TAF4B: variants seen among roughly 807,000 people sequenced by gnomAD.
TAF4B encodes the protein transcription initiation factor TFIID subunit 4B.
In TAF4B, 38 loss-of-function variants were observed where a neutral mutation model predicts 86.4. The ratio of observed to expected loss-of-function variants is 0.44; its 90% CI spans 0.34 to 0.58. The LOEUF is 0.58. TAF4B is among the 20% of genes least tolerant of loss of function. The probability of loss-of-function intolerance (pLI) is 0.02; values close to 1 mark genes in which losing one functional copy is unlikely to be tolerated. For missense variants in TAF4B, 988 were observed against 1,027.6 expected (o/e 0.96, Z 0.53); for synonymous variants, 388 against 391.2 (o/e 0.99, Z 0.10).
At chr18:26,256,527 A>G (rs1435828241) in intron 1 of TAF4B, among the ~76,000 whole-genome samples, 1 of 151,202 alleles carries the variant, frequency 6.6e-6, no homozygotes, top group African/African-American at 2.4e-5. Flanking sequence ...CTTAATCTTT[A>G]TTATTTCTTT....
intron 3 of TAF4B, among the ~76,000 whole-genome samples, chr18:26,270,225 ACTT>A (rs1462138915): frequency 1.3e-5 from 2 of 152,100 alleles, no homozygotes; most frequent in Admixed American, 6.6e-5. Context: ...CCATTACACT[ACTT>A]CTTCAGGGCC....
Position 26,301,934 on chromosome 18 carries a change from G to GA in TAF4B, c.1832+8411dup, listed in dbSNP as rs1190062811. On this transcript the variant is annotated intron_variant, in intron 9 of 14. Transcript: ENST00000269142. ...GTCAAGAATCAGCATGTGCCCAGAG[G>GA]AAAAAAAACATGGAGAAATTTGGGG... Among the ~76,000 whole-genome samples, 13 of 151,950 alleles carry GA rather than the reference G, an allele frequency of 8.6e-5. No individual in the cohort carries two copies. The East Asian group carries it at 1.2e-3, about 14-fold the overall frequency.
intron 14 of TAF4B, among the ~76,000 whole-genome samples, chr18:26,363,398 A>G (rs1232286003): frequency 1.3e-4 from 14 of 108,544 alleles, no homozygotes; most frequent in Non-Finnish European, 2.6e-4. Context: ...AAAAAAAAAA[A>G]GGCAGCGCGT....
rs796930380 is a variant in TAF4B, at chr18:26,281,831, G to T, written c.883-140G>T. 1.0e-4 allele frequency: 60 copies of T among 590,892 alleles called. 1 individual carries two copies. The highest frequency in any genetic ancestry group is 1.0e-3 in the African/African-American group (54 of 53,632). The allele number at this position is 590,892 out of a possible 1,614,324, so 36.6% of individuals were successfully genotyped here. ...ATTTATGCTTACACATTTCATAGGTGGCATGAAGAAAAAAGCCTATATTTA... is the reference window on the plus strand; with the variant it reads ...ATTTATGCTTACACATTTCATAGGTTGCATGAAGAAAAAAGCCTATATTTA... On this transcript the variant is annotated intron_variant, in intron 5 of 14. Coordinates refer to ENST00000269142, the MANE Select transcript of TAF4B (RefSeq NM_005640.3).
At chr18:26,385,768 C>T (rs554298904) in intron 14 of TAF4B, among the ~76,000 whole-genome samples, 1 of 147,122 alleles carries the variant, frequency 6.8e-6, no homozygotes, top group Non-Finnish European at 1.5e-5. Context: ...TCTAATGTGA[C>T]CAGAAATCAG....
At chr18:26,319,240 C>G (rs2056939218) in intron 10 of TAF4B, among the ~76,000 whole-genome samples, 1 of 150,700 alleles carries the variant, frequency 6.6e-6, no homozygotes, top group Non-Finnish European at 1.5e-5. Context: ...ACCTGTAATC[C>G]CAGCACTTTG....
chr18:26,280,412 A>G (rs114674419), intron 5 of TAF4B, among the ~76,000 whole-genome samples: 99 of 152,306 alleles, frequency 6.5e-4, no homozygotes, highest in African/African-American at 2.2e-3. Flanking sequence ...TGCGAACTAT[A>G]TATCTGACAA....
intron 14 of TAF4B, among the ~76,000 whole-genome samples, chr18:26,365,277 G>A (rs1005572615): frequency 1.3e-5 from 2 of 152,094 alleles, no homozygotes; most frequent in Admixed American, 1.3e-4. Flanking sequence ...AAAGTGCTGG[G>A]ATTACAGACG....
At chr18:26,307,383 G>T (rs2144649189) in intron 9 of TAF4B, among the ~76,000 whole-genome samples, 1 of 152,234 alleles carries the variant, frequency 6.6e-6, no homozygotes, top group East Asian at 1.9e-4. Context: ...ACCAGAGGGT[G>T]CCAGAGATTC....
At chr18:26,266,183 G>T (rs2056237412) in intron 2 of TAF4B, 1 of 151,920 alleles carries the variant, frequency 6.6e-6, no homozygotes, top group African/African-American at 2.4e-5. Context: ...TATGATCTTG[G>T]CTCACCGCAA....
chr18:26,369,874 C>T (rs1487633002), intron 14 of TAF4B, among the ~76,000 whole-genome samples: 8 of 152,134 alleles, frequency 5.3e-5, no homozygotes, highest in Non-Finnish European at 1.5e-5. Context: ...AGGAGTAGCA[C>T]CTTAAAAGAT....
intron 14 of TAF4B, among the ~76,000 whole-genome samples, chr18:26,370,912 T>G (rs1390412852): frequency 6.6e-6 from 1 of 152,198 alleles, no homozygotes; most frequent in African/African-American, 2.4e-5. Flanking sequence ...ATTTGTATAT[T>G]GTAAATATTT....
chr18:26,270,207 A>T (rs75411245), intron 3 of TAF4B, among the ~76,000 whole-genome samples: 2,988 of 152,258 alleles, frequency 0.02, 101 homozygotes, highest in African/African-American at 0.068. Flanking sequence ...GGGATAACTG[A>T]AGGAACTCCA....
intron 9 of TAF4B, among the ~76,000 whole-genome samples, chr18:26,294,812 C>T (rs535866330): frequency 2.7e-5 from 4 of 149,864 alleles, no homozygotes; most frequent in Non-Finnish European, 4.4e-5. Context: ...TAAAGGATGA[C>T]GATTAAGAAA....
intron 3 of TAF4B, among the ~76,000 whole-genome samples, chr18:26,268,947 C>G (rs1488438530): frequency 6.6e-6 from 1 of 152,128 alleles, no homozygotes; most frequent in Non-Finnish European, 1.5e-5. Context: ...CTCAGCCTCC[C>G]AAGTAGCTGG....
At position 26,300,180 on chromosome 18, in the gene TAF4B, G is replaced by A. The variant is rs757516123; in HGVS notation, c.1832+6649G>A. Among the ~76,000 whole-genome samples the A allele has an allele frequency of 7.2e-5, 11 of 151,828 alleles. No homozygotes were observed. In the South Asian group the frequency reaches 1.2e-3, roughly 17 times the overall value. On this transcript the variant is annotated intron_variant, in intron 9 of 14. Transcript: ENST00000269142. The stretch of plus-strand genomic sequence containing the variant: ...TAATTTTTATTTTTTGTAACAATGA[G>A]GTTTCACTATGTTGCCCATGCTGGT...
At chr18:26,360,921 A>T (rs1181529972) in intron 14 of TAF4B, among the ~76,000 whole-genome samples, 1 of 152,194 alleles carries the variant, frequency 6.6e-6, no homozygotes, top group Non-Finnish European at 1.5e-5. Context: ...AAATGTGGCT[A>T]GTGTGACTAA....
At chr18:26,338,376 G>A (rs1243047674) in intron 13 of TAF4B, among the ~76,000 whole-genome samples, 2 of 151,840 alleles carry the variant, frequency 1.3e-5, no homozygotes, top group South Asian at 4.2e-4. Context: ...TTGAATCTGA[G>A]TGGCAGAGGT....
chr18:26,288,356 C>T (rs1009547608), intron 7 of TAF4B, among the ~76,000 whole-genome samples: 3 of 152,172 alleles, frequency 2.0e-5, no homozygotes, highest in African/African-American at 7.2e-5. Context: ...GTTAAGTGGC[C>T]GGGCGCAGCG....
Sources: allele counts gnomAD v4.1 joint callset (sites outside exome capture counted in the v4.1 genomes callset), GRCh38; gene constraint gnomAD v4.1.1; transcripts MANE v1.5; gene names NCBI Gene and HGNC (gene_info 2026-07-23, HGNC 2026-07-21).